The following KIAA1217 variants were observed in gnomAD, a reference collection of about 807,000 sequenced individuals.
The protein encoded by KIAA1217 is KIAA1217.
A neutral mutation model predicts 163.9 loss-of-function variants in KIAA1217; 88 were observed. The ratio of observed to expected loss-of-function variants is 0.54; its 90% confidence interval spans 0.45 to 0.64. KIAA1217 has a LOEUF of 0.64. Ranked by LOEUF, KIAA1217 falls within the 30% of genes least tolerant of loss-of-function variation. The probability of loss-of-function intolerance (pLI) is 0.00; values close to 1 mark genes in which losing one functional copy is unlikely to be tolerated. For synonymous variants in KIAA1217, 903 were observed against 923.1 expected (o/e 0.98, Z 0.39); for missense variants, 2,372 against 2,475.0 (o/e 0.96, Z 0.88).
intron 8 of KIAA1217, among the ~76,000 whole-genome samples, chr10:24,500,344 T>C (rs1337556649): frequency 6.6e-6 from 1 of 150,834 alleles, no homozygotes; most frequent in Non-Finnish European, 1.5e-5. Context: ...TGTGTGTGTG[T>C]GCGTGTCTTT....
At chr10:24,538,459 C>T (rs888063310) in intron 17 of KIAA1217, among the ~76,000 whole-genome samples, 3 of 150,216 alleles carry the variant, frequency 2.0e-5, no homozygotes, top group Non-Finnish European at 3.0e-5. Flanking sequence ...GGAAGAATCA[C>T]TTGAGGCCAG....
chr10:23,821,096 TGTGTGTGC>T (rs1166105617), intron 1 of KIAA1217, among the ~76,000 whole-genome samples: 1 of 125,960 alleles, frequency 7.9e-6, no homozygotes, highest in African/African-American at 3.5e-5. Context: ...CTTGCAGCTG[TGTGTGTGC>T]GTGTGTGTGT....
At position 24,031,449 on chromosome 10, in the gene KIAA1217, G is replaced by T. The variant is rs562143537; in HGVS notation, c.-171+24075G>T. Among the ~76,000 whole-genome samples, 11 of 152,118 alleles carry T rather than the reference G, an allele frequency of 7.2e-5. No homozygotes were observed. The East Asian group carries it at 2.1e-3, about 29-fold the overall frequency. On this transcript the variant is annotated intron_variant, in intron 2 of 18. Coordinates refer to the KIAA1217 transcript ENST00000376462. Reference sequence around the variant, plus strand: ...CCGAGTAGCCGGAACCGCAGCATATGCCACCACATCCAGCTAATTTTTATA... The same window carrying T: ...CCGAGTAGCCGGAACCGCAGCATATTCCACCACATCCAGCTAATTTTTATA...
At chr10:23,812,089 C>T (rs1243807670) in intron 1 of KIAA1217, among the ~76,000 whole-genome samples, 3 of 151,710 alleles carry the variant, frequency 2.0e-5, no homozygotes, top group Admixed American at 6.6e-5. Flanking sequence ...TGTCTCAAAA[C>T]GAAAACAAAC....
At chr10:24,185,605 G>A (rs1015375684) in intron 2 of KIAA1217, among the ~76,000 whole-genome samples, 3 of 152,048 alleles carry the variant, frequency 2.0e-5, no homozygotes, top group South Asian at 4.1e-4. Flanking sequence ...GACCAGCCTG[G>A]CCAACATGGT....
chr10:23,832,711 A>G (rs1313480764), intron 1 of KIAA1217, among the ~76,000 whole-genome samples: 1 of 152,110 alleles, frequency 6.6e-6, no homozygotes, highest in Non-Finnish European at 1.5e-5. Context: ...TATATTTCTC[A>G]TTTTATCACA....
chr10:24,355,062 G>T (rs2048913702), intron 2 of KIAA1217, among the ~76,000 whole-genome samples: 1 of 152,210 alleles, frequency 6.6e-6, no homozygotes, highest in African/African-American at 2.4e-5. Flanking sequence ...GTCTCCAGAG[G>T]TTAGTAGGTA....
intron 2 of KIAA1217, among the ~76,000 whole-genome samples, chr10:24,378,605 G>T (rs2052855488): frequency 6.6e-6 from 1 of 150,794 alleles, no homozygotes; most frequent in Non-Finnish European, 1.5e-5. Flanking sequence ...TACCCATGGT[G>T]CCTAGCACTG....
rs202049611 is a variant in KIAA1217 at position 24,546,198 on chromosome 10, C to G, written c.5706C>G (p.Ser1902=). 184 of 1,614,178 alleles carry G rather than the reference C, an allele frequency of 1.1e-4. No individual in the cohort carries two copies. The highest frequency in any genetic ancestry group is 1.5e-4 in the Non-Finnish European group (180 of 1,180,034). ...SFSSSPPSPA[S]SVSLNQGAKG... ...CCTCCTCCCCTCCTTCTCCTGCCTC[C>G]TCCGTCTCACTGAATCAAGGTGCCA... The change falls in exon 21 of 21, where the codon TCC becomes TCG. Residue 1902 remains serine, a synonymous_variant. Coordinates refer to ENST00000376454, the MANE Select transcript of KIAA1217 (RefSeq NM_019590.5).
intron 1 of KIAA1217, among the ~76,000 whole-genome samples, chr10:23,708,470 A>G (rs1184934201): frequency 9.2e-5 from 14 of 152,206 alleles, no homozygotes; most frequent in Admixed American, 9.2e-4. Context: ...GAGGTGGCAG[A>G]GCCAGAGAGG....
chr10:23,986,502 A>G (rs1201955103), intron 1 of KIAA1217, among the ~76,000 whole-genome samples: 4 of 152,234 alleles, frequency 2.6e-5, no homozygotes, highest in Non-Finnish European at 5.9e-5. Context: ...TATCTAATGC[A>G]ATATAAATGC....
At chr10:24,087,370 G>T (rs1030358347) in intron 2 of KIAA1217, among the ~76,000 whole-genome samples, 10 of 152,148 alleles carry the variant, frequency 6.6e-5, no homozygotes, top group African/African-American at 2.4e-4. Flanking sequence ...CATAATTTAA[G>T]CTTTCTTCTG....
intron 1 of KIAA1217, among the ~76,000 whole-genome samples, chr10:23,939,036 TA>T (rs1843650121): frequency 6.6e-6 from 1 of 152,216 alleles, no homozygotes. Flanking sequence ...AACATATTTG[TA>T]TCAAGAAAGA....
chr10:23,791,530 TAAC>T (rs377522540), intron 1 of KIAA1217, among the ~76,000 whole-genome samples: 276 of 152,334 alleles, frequency 1.8e-3, no homozygotes, highest in African/African-American at 6.3e-3. Flanking sequence ...TTAAATTCCT[TAAC>T]ATCATCAAAT....
At chr10:23,753,383 G>A (rs1030969318) in intron 1 of KIAA1217, among the ~76,000 whole-genome samples, 14 of 152,282 alleles carry the variant, frequency 9.2e-5, no homozygotes, top group Non-Finnish European at 2.1e-4. Flanking sequence ...TGCACTGTAC[G>A]AAGCTGTGTC....
intron 2 of KIAA1217, among the ~76,000 whole-genome samples, chr10:24,335,299 T>G (rs1384518398): frequency 6.6e-6 from 1 of 151,220 alleles, no homozygotes; most frequent in African/African-American, 2.4e-5. Context: ...GGAGGGTTTT[T>G]TTTTTTTTTT....
intron 1 of KIAA1217, among the ~76,000 whole-genome samples, chr10:23,737,607 T>C (rs539829402): frequency 6.6e-6 from 1 of 152,254 alleles, no homozygotes; most frequent in East Asian, 1.9e-4. Context: ...ATATGGAATT[T>C]TACACAAAAA....
intron 12 of KIAA1217, among the ~76,000 whole-genome samples, chr10:24,523,115 G>A (rs1297086007): frequency 6.6e-6 from 1 of 152,190 alleles, no homozygotes; most frequent in Non-Finnish European, 1.5e-5. Context: ...TCACACCACT[G>A]CACTCCAGCC....
At chr10:23,815,205 A>G (rs1837259874) in intron 1 of KIAA1217, among the ~76,000 whole-genome samples, 1 of 152,156 alleles carries the variant, frequency 6.6e-6, no homozygotes, top group South Asian at 2.1e-4. Context: ...TCATTTTGTA[A>G]CATCTTACAG....
Sources: allele counts gnomAD v4.1 joint callset (sites outside exome capture counted in the v4.1 genomes callset), GRCh38; gene constraint gnomAD v4.1.1; transcripts MANE v1.5; gene names NCBI Gene and HGNC (gene_info 2026-07-23, HGNC 2026-07-21).